INSYN2A: variants seen among roughly 807,000 people sequenced by gnomAD.
The protein encoded by INSYN2A is inhibitory synaptic factor 2A.
A neutral mutation model predicts 39.4 loss-of-function variants in INSYN2A; 17 were observed. That is an observed-to-expected ratio of 0.43 (90% CI 0.30 to 0.65). The LOEUF (loss-of-function observed/expected upper bound fraction) is 0.65, where lower values mean the gene tolerates loss of function less well. Among genes scored for constraint, INSYN2A ranks in the 30% least tolerant of loss-of-function variants. INSYN2A has a pLI of 0.14. For missense variants in INSYN2A, 595 were observed against 631.2 expected, an observed-to-expected ratio of 0.94 and a Z score of 0.61; for synonymous variants, 255 against 265.7, an observed-to-expected ratio of 0.96 and a Z score of 0.39.
At chr10:127,180,098 A>G (rs1392093072) in intron 2 of INSYN2A, among the ~76,000 whole-genome samples, 1 of 152,178 alleles carries the variant, frequency 6.6e-6, no homozygotes, top group Non-Finnish European at 1.5e-5. Flanking sequence ...TGCTCAAGGA[A>G]CTCTGTAACT....
intron 2 of INSYN2A, among the ~76,000 whole-genome samples, chr10:127,179,983 C>T (rs746210440): frequency 5.9e-5 from 9 of 152,140 alleles, no homozygotes; most frequent in Non-Finnish European, 1.3e-4. Flanking sequence ...CCGAGGCACA[C>T]GATTTTGGGA....
Position 127,176,004 on chromosome 10 carries a change from G to A in INSYN2A, c.392C>T (p.Pro131Leu), listed in dbSNP as rs753615944. ...DRKKGNLKSLPAADPFKSQNN... is the reference protein window; with the variant it reads ...DRKKGNLKSLLAADPFKSQNN... Reference sequence around the variant, plus strand: ...TTGGCTTTTAAAGGGATCTGCAGCTGGGAGGCTTTTGAGGTTCCCCTTTTT... The same window carrying A: ...TTGGCTTTTAAAGGGATCTGCAGCTAGGAGGCTTTTGAGGTTCCCCTTTTT... The change falls in exon 4 of 6, where the codon CCA (proline) becomes CTA (leucine). Residue 131 changes from proline (P) to leucine (L), a missense_variant. Pro to Leu is a moderately conservative substitution (Grantham distance 98, BLOSUM62 -3). Transcript: ENST00000522781. This position sits in a 1 kb window ranked among gnomAD's most constrained non-coding sequence, Gnocchi z 4.4. The A allele has an allele frequency of 2.3e-5, 37 of 1,614,064 alleles. No homozygotes were observed. Among genetic ancestry groups the A allele is most frequent in the Non-Finnish European group, 2.8e-5 (33 of 1,180,048 alleles).
In INSYN2A at chr10:127,137,723, G is replaced by C; in HGVS notation, c.*114C>G. 3.2e-6 allele frequency: 3 copies of C among 935,146 alleles called. No individual in the cohort carries two copies. The highest frequency in any genetic ancestry group is 4.8e-6 in the Non-Finnish European group (3 of 626,096). The allele number at this position is 935,146 out of a possible 1,614,324, so 57.9% of individuals were successfully genotyped here. ...TTTTTGGTACGCAGGGCGAGAAGTG[G>C]GAGGTGCCTGAATGGGCACCACAGT... On this transcript the variant is annotated 3_prime_UTR_variant, in exon 6 of 6. Coordinates refer to ENST00000522781, the MANE Select transcript of INSYN2A (RefSeq NM_001039762.3).
Position 127,137,504 on chromosome 10 carries a change from A to G in INSYN2A, c.*333T>C, listed in dbSNP as rs12263483. The G allele has an allele frequency of 0.13, 29,219 of 229,590 alleles. 2,202 individuals carry two copies. The highest frequency in any genetic ancestry group is 0.21 in the African/African-American group (9,259 of 44,296). The allele number at this position is 229,590 out of a possible 1,614,324, so 14.2% of individuals were successfully genotyped here. ...ATGAGTTATAGCTGTGTACAGGGTG[A>G]CAGCCTGCCATCTCGCAGGTTGATA... On this transcript the variant is annotated 3_prime_UTR_variant, in exon 6 of 6. Coordinates refer to ENST00000522781, the MANE Select transcript of INSYN2A (RefSeq NM_001039762.3).
rs540534113 is a variant in INSYN2A at position 127,175,004 on chromosome 10, T to A, written c.1184+208A>T. The stretch of plus-strand genomic sequence containing the variant: ...AATTCAAGGCCAGAAAGATGAACAT[T>A]AACCAGAAAGCGTATCGTGCAGGAT... On this transcript the variant is annotated intron_variant, in intron 4 of 5. Coordinates refer to ENST00000522781, the MANE Select transcript of INSYN2A (RefSeq NM_001039762.3). The surrounding 1 kb of genome is among the most constrained non-coding windows in gnomAD (Gnocchi z 6.3). Among the ~76,000 whole-genome samples, 21 of 152,184 alleles carry A rather than the reference T, an allele frequency of 1.4e-4. No individual in the cohort carries two copies. The highest frequency in any genetic ancestry group is 3.3e-4 in the Admixed American group (5 of 15,280).
chr10:127,186,951 A>G (rs1239154417), intron 2 of INSYN2A, among the ~76,000 whole-genome samples: 1 of 152,168 alleles, frequency 6.6e-6, no homozygotes, highest in Non-Finnish European at 1.5e-5. Flanking sequence ...TGTTCCTTGA[A>G]TCAGGCACAT....
intron 4 of INSYN2A, among the ~76,000 whole-genome samples, chr10:127,156,483 A>T (rs2053058111): frequency 6.6e-6 from 1 of 152,076 alleles, no homozygotes; most frequent in Admixed American, 6.5e-5. Context: ...CTTCAGTAAG[A>T]AATTGCTTTT....
chr10:127,196,427 G>C lies in INSYN2A; in HGVS notation c.-825C>G, dbSNP rs1224209000. Among the ~76,000 whole-genome samples the C allele has an allele frequency of 6.7e-6, 1 of 148,664 alleles. No individual in the cohort carries two copies. Among genetic ancestry groups the C allele is most frequent in the South Asian group, 2.1e-4 (1 of 4,828 alleles). ...TGTCTTCGGCGAGATCTCAGAGCCA[G>C]GGCCAGGAGGCGGGGGCGGGGCAGA... On this transcript the variant is annotated 5_prime_UTR_variant, in exon 1 of 6. Coordinates refer to ENST00000522781, the MANE Select transcript of INSYN2A (RefSeq NM_001039762.3).
chr10:127,182,576 A>G (rs1274272689), intron 2 of INSYN2A, among the ~76,000 whole-genome samples: 2 of 152,332 alleles, frequency 1.3e-5, no homozygotes, highest in South Asian at 2.1e-4. Flanking sequence ...TGAATTACCA[A>G]AATTTTATGA....
At chr10:127,144,425 T>C (rs936431956) in intron 5 of INSYN2A, among the ~76,000 whole-genome samples, 4 of 152,194 alleles carry the variant, frequency 2.6e-5, no homozygotes, top group Admixed American at 6.5e-5. Context: ...TGTGAACTCA[T>C]TGAAGGATGG....
At chr10:127,168,259 T>A (rs2054258163) in intron 4 of INSYN2A, among the ~76,000 whole-genome samples, 1 of 152,214 alleles carries the variant, frequency 6.6e-6, no homozygotes, top group African/African-American at 2.4e-5. Context: ...TGGAATGATT[T>A]AAAATGTTTT....
chr10:127,182,016 G>C (rs1478682874), intron 2 of INSYN2A, among the ~76,000 whole-genome samples: 1 of 152,148 alleles, frequency 6.6e-6, no homozygotes, highest in Non-Finnish European at 1.5e-5. Context: ...CCAAAAAGGG[G>C]TGACTGGATG....
At chr10:127,142,280 G>A (rs2051337771) in intron 5 of INSYN2A, among the ~76,000 whole-genome samples, 1 of 152,208 alleles carries the variant, frequency 6.6e-6, no homozygotes, top group Non-Finnish European at 1.5e-5. Flanking sequence ...TCCAAACCTT[G>A]TTGTGGTTTC....
chr10:127,193,080 CATA>C (rs769494016), intron 1 of INSYN2A, among the ~76,000 whole-genome samples: 2 of 152,040 alleles, frequency 1.3e-5, no homozygotes, highest in Non-Finnish European at 2.9e-5. Context: ...GAAGTCACCC[CATA>C]ATGTTATGAA....
chr10:127,144,035 G>A (rs2051538619), intron 5 of INSYN2A, among the ~76,000 whole-genome samples: 1 of 152,026 alleles, frequency 6.6e-6, no homozygotes, highest in South Asian at 2.1e-4. Context: ...AGCATCCCTG[G>A]GTCGAGTGGA....
chr10:127,146,102 C>T (rs1049497648), intron 5 of INSYN2A: 3 of 507,394 alleles, frequency 5.9e-6, no homozygotes, highest in Non-Finnish European at 1.2e-5. Flanking sequence ...TCTCCATACT[C>T]ATCTAAACAT....
chr10:127,164,618 A>G (rs1361967677), intron 4 of INSYN2A, among the ~76,000 whole-genome samples: 16 of 152,238 alleles, frequency 1.1e-4, no homozygotes, highest in Admixed American at 1.0e-3. Context: ...ATTGTCAGAA[A>G]TACATGCAGA....
At chr10:127,188,886 GAGTCACATGCCAAAGGTCACAC>G (rs2056512708) in intron 2 of INSYN2A, among the ~76,000 whole-genome samples, 1 of 152,208 alleles carries the variant, frequency 6.6e-6, no homozygotes, top group South Asian at 2.1e-4. Context: ...ACAGGTAGTG[GAGTCACATGCCAAAGGTCACAC>G]AGATACTGGC....
intron 4 of INSYN2A, among the ~76,000 whole-genome samples, chr10:127,161,388 C>A (rs1172569589): frequency 6.6e-6 from 1 of 152,110 alleles, no homozygotes; most frequent in East Asian, 1.9e-4. Context: ...TCCCTTTTTC[C>A]CAGTAGCTGA....
Sources: gnomAD v4.1 joint callset for allele counts (sites outside exome capture counted in the v4.1 genomes callset) on GRCh38, gnomAD v4.1.1 for gene constraint, Gnocchi (gnomAD v3.1) non-coding constraint, MANE v1.5 for transcripts, NCBI Gene and HGNC (gene_info 2026-07-23, HGNC 2026-07-21) for gene names.